ERBIN: variants seen among roughly 807,000 people sequenced by gnomAD.
ERBIN encodes densin-180-like protein.
In ERBIN, 60 loss-of-function variants were observed where a neutral mutation model predicts 158.4. The observed-to-expected ratio is 0.38, with a 90% CI of 0.31 to 0.47. The LOEUF (loss-of-function observed/expected upper bound fraction) is 0.47. ERBIN is among the 20% of genes least tolerant of loss of function. The pLI, the probability that ERBIN is intolerant of heterozygous loss-of-function variation, is 0.99. For synonymous variants in ERBIN, 594 were observed against 557.2 expected, an observed-to-expected ratio of 1.07 and a Z score of -0.93; for missense variants, 1,610 against 1,648.0, an observed-to-expected ratio of 0.98 and a Z score of 0.40.
chr5:66,079,684 C>T lies in ERBIN; in HGVS notation c.*1154C>T, dbSNP rs927160536. On this transcript the variant is annotated 3_prime_UTR_variant, in exon 26 of 26. Coordinates refer to ENST00000284037, the MANE Select transcript of ERBIN (RefSeq NM_001253697.2). ...GAGTTATAGAGCAAAGGGATGGGTC[C>T]TTGAGGCCTGCCAGTGTGTAAAGGT... 1.3e-5 allele frequency: 2 copies of T among 152,540 alleles called. No homozygotes were observed. Among genetic ancestry groups the T allele is most frequent in the Non-Finnish European group, 2.9e-5 (2 of 68,000 alleles). 9.4% of individuals were successfully genotyped at this position (152,540 alleles called of 1,614,324 possible). A position where few individuals can be genotyped will look rare whatever the true frequency, so the allele number is the denominator to read the frequency against.
intron 1 of ERBIN, among the ~76,000 whole-genome samples, chr5:65,954,344 T>C (rs1746848136): frequency 6.6e-6 from 1 of 152,150 alleles, no homozygotes. Context: ...AAATTAGTCT[T>C]TTTAGTCTAT....
chr5:65,991,541 A>AT (rs1017551825), intron 2 of ERBIN, among the ~76,000 whole-genome samples: 1 of 152,082 alleles, frequency 6.6e-6, no homozygotes, highest in Non-Finnish European at 1.5e-5. Flanking sequence ...GTGGTGTTTG[A>AT]TTTTTTTGGT....
chr5:65,958,834 TTGTGTTGGGTGATTC>T (rs1747593860), intron 1 of ERBIN, among the ~76,000 whole-genome samples: 1 of 152,210 alleles, frequency 6.6e-6, no homozygotes, highest in Non-Finnish European at 1.5e-5. Context: ...AAAATAGGCT[TTGTGTTGGGTGATTC>T]TGCCCAACTG....
chr5:65,957,546 T>G (rs1240756652), intron 1 of ERBIN, among the ~76,000 whole-genome samples: 1 of 152,140 alleles, frequency 6.6e-6, no homozygotes, highest in Non-Finnish European at 1.5e-5. Context: ...AGGTCATAGA[T>G]CAACAGCATC....
At chr5:66,007,804 A>G (rs1184496300) in intron 4 of ERBIN, among the ~76,000 whole-genome samples, 5 of 152,244 alleles carry the variant, frequency 3.3e-5, no homozygotes, top group African/African-American at 9.6e-5. Flanking sequence ...AGCTTGGGAT[A>G]GGTTGAGTTT....
At chr5:66,034,135 A>G (rs1757160639) in intron 14 of ERBIN, among the ~76,000 whole-genome samples, 1 of 149,814 alleles carries the variant, frequency 6.7e-6, no homozygotes, top group Admixed American at 6.6e-5. Context: ...AAAAAAGAAT[A>G]TGAGAAGCAG....
At chr5:66,045,143 T>A (rs1285924442) in intron 17 of ERBIN, among the ~76,000 whole-genome samples, 1 of 151,822 alleles carries the variant, frequency 6.6e-6, no homozygotes, top group Non-Finnish European at 1.5e-5. Context: ...CCCTTGAGCC[T>A]AGGAGTTCAA....
chr5:65,977,834 G>T (rs965442918), intron 1 of ERBIN, among the ~76,000 whole-genome samples: 2 of 152,126 alleles, frequency 1.3e-5, no homozygotes, highest in African/African-American at 4.8e-5. Flanking sequence ...GTAGCGAGCC[G>T]AGATCACGCC....
At position 65,992,190 on chromosome 5, in the gene ERBIN, C is replaced by G. The variant is rs374695339; in HGVS notation, c.-9-520C>G. On this transcript the variant is annotated intron_variant, in intron 2 of 25. Transcript: ENST00000284037. ...TGTTTGTTTGAGTCTCGCTCTGTTG[C>G]CCAGGCTGGAATGCAGTGGCGCGAT... Among the ~76,000 whole-genome samples the G allele has an allele frequency of 2.1e-3, 324 of 152,020 alleles. 2 individuals carry two copies. The highest frequency in any genetic ancestry group is 7.7e-3 in the African/African-American group (318 of 41,464).
At chr5:65,975,548 C>T (rs1749761263) in intron 1 of ERBIN, among the ~76,000 whole-genome samples, 1 of 152,154 alleles carries the variant, frequency 6.6e-6, no homozygotes. Context: ...TCAAGTGATC[C>T]ACCTGCTTTG....
intron 1 of ERBIN, among the ~76,000 whole-genome samples, chr5:65,963,798 T>C (rs1748207914): frequency 1.3e-5 from 2 of 150,106 alleles, no homozygotes; most frequent in Non-Finnish European, 3.0e-5. Flanking sequence ...TTTTCTTTTT[T>C]TTTTTTTTTG....
chr5:65,953,085 C>T (rs1415273216), intron 1 of ERBIN, among the ~76,000 whole-genome samples: 1 of 152,148 alleles, frequency 6.6e-6, no homozygotes, highest in African/African-American at 2.4e-5. Context: ...ACAAAGTTAC[C>T]ATCTGGCTTC....
chr5:66,074,945 A>C (rs1761853437), intron 22 of ERBIN, 79 bp from the exon 23 acceptor site: 1 of 1,296,940 alleles, frequency 7.7e-7, no homozygotes, highest in Non-Finnish European at 1.1e-6. Context: ...GTGCTTTTGT[A>C]ATGCTCCAAG....
intron 1 of ERBIN, among the ~76,000 whole-genome samples, chr5:65,929,876 G>A (rs1234313483): frequency 1.3e-5 from 2 of 152,096 alleles, no homozygotes; most frequent in Non-Finnish European, 2.9e-5. Flanking sequence ...CCGACCTCAG[G>A]TGATCTGCCC....
chr5:66,029,316 A>G (rs186881464), intron 14 of ERBIN, among the ~76,000 whole-genome samples: 5 of 152,218 alleles, frequency 3.3e-5, no homozygotes, highest in Non-Finnish European at 5.9e-5. Context: ...TTTGAATTAA[A>G]AAATTAATGC....
chr5:66,031,706 C>G (rs2151171414), intron 14 of ERBIN, among the ~76,000 whole-genome samples: 1 of 152,232 alleles, frequency 6.6e-6, no homozygotes, highest in Middle Eastern at 3.4e-3. Flanking sequence ...GTAGCACATG[C>G]CTGTAGTCCA....
intron 1 of ERBIN, among the ~76,000 whole-genome samples, chr5:65,933,929 T>C (rs1476094826): frequency 6.6e-6 from 1 of 152,134 alleles, no homozygotes; most frequent in Admixed American, 6.5e-5. Flanking sequence ...ATTTGAGAGC[T>C]CTGTCGCCCA....
rs1375642317 is a variant in ERBIN, at chr5:66,043,108, C to G, written c.1338C>G (p.Asn446Lys). Reference sequence around the variant, plus strand: ...TTATATCAGATAATGAAAGTTTTAACCCTTCATTGTGGGAGGAACAGAGGA... The same window carrying G: ...TTATATCAGATAATGAAAGTTTTAAGCCTTCATTGTGGGAGGAACAGAGGA... ...VMFISDNESF[N>K]PSLWEEQRKQ... The change falls in exon 16 of 26, where the codon AAC becomes AAG. Residue 446 changes from asparagine to lysine, a missense_variant. This residue lies in a region of ERBIN where 596 missense variants were observed against 711.9 expected (regional missense o/e 0.84). Coordinates refer to ENST00000284037, the MANE Select transcript of ERBIN (RefSeq NM_001253697.2). The G allele has an allele frequency of 6.2e-7, 1 of 1,606,372 alleles. No homozygotes were observed. The highest frequency in any genetic ancestry group is 1.3e-5 in the African/African-American group (1 of 74,718).
intron 21 of ERBIN, among the ~76,000 whole-genome samples, chr5:66,065,128 G>A (rs1760844980): frequency 6.6e-6 from 1 of 152,168 alleles, no homozygotes; most frequent in Admixed American, 6.5e-5. Flanking sequence ...TGTGATGACT[G>A]TGTGCAAGTA....
Sources: gnomAD v4.1 joint callset for allele counts (sites outside exome capture counted in the v4.1 genomes callset) on GRCh38, gnomAD v4.1.1 for gene constraint, gnomAD v4.1.1 regional missense constraint, MANE v1.5 for transcripts, NCBI Gene and HGNC (gene_info 2026-07-23, HGNC 2026-07-21) for gene names.